Variants in DAPK1 observed in about 807,000 individuals in gnomAD.
DAPK1 encodes death-associated protein kinase 1.
A neutral mutation model predicts 144.9 loss-of-function variants in DAPK1; 56 were observed. That is an observed-to-expected ratio of 0.39 (90% CI 0.31 to 0.48). The LOEUF is 0.48. Ranked by LOEUF, DAPK1 falls within the 20% of genes least tolerant of loss-of-function variation. DAPK1 has a pLI of 0.95. For synonymous variants in DAPK1, 690 were observed against 749.0 expected, an observed-to-expected ratio of 0.92 and a Z score of 1.29; for missense variants, 1,454 against 1,875.4, an observed-to-expected ratio of 0.78 and a Z score of 4.15.
intron 15 of DAPK1, 129 bp downstream of exon 15, chr9:87,649,008 G>C (rs1830356948): frequency 2.6e-6 from 2 of 774,440 alleles, no homozygotes; most frequent in Non-Finnish European, 2.1e-6. Context: ...AGAGGGCAAG[G>C]CTCAAGGGGC....
intron 2 of DAPK1, among the ~76,000 whole-genome samples, chr9:87,582,472 G>A (rs1212917965): frequency 2.0e-5 from 3 of 151,906 alleles, no homozygotes; most frequent in East Asian, 1.9e-4. Context: ...TGAGACTGAC[G>A]CACCTCCTCA....
At chr9:87,643,127 AAGG>A (rs751255768) in intron 10 of DAPK1, among the ~76,000 whole-genome samples, 68 of 152,252 alleles carry the variant, frequency 4.5e-4, no homozygotes, top group Non-Finnish European at 7.2e-4. Context: ...TGAAACATGG[AAGG>A]AGAATCTCTA....
intron 2 of DAPK1, among the ~76,000 whole-genome samples, chr9:87,512,295 TTC>T (rs1824878165): frequency 1.3e-5 from 2 of 152,188 alleles, no homozygotes; most frequent in Non-Finnish European, 2.9e-5. Context: ...ATTTTTTTTT[TTC>T]ATGGATCTTT....
In DAPK1 at chr9:87,652,099, T is replaced by TC. The variant is rs551993197; in HGVS notation, c.1824+381dup. Among the ~76,000 whole-genome samples the TC allele has an allele frequency of 9.6e-5, 12 of 124,540 alleles. No homozygotes were observed. The South Asian group carries it at 3.4e-3, about 35-fold the overall frequency. The allele number at this position is 124,540 out of a possible 152,430, so 81.7% of individuals were successfully genotyped here. On this transcript the variant is annotated intron_variant, in intron 17 of 25. Transcript: ENST00000408954. ...AACCCGGGTCCTGATTCTGTGTCCA[T>TC]CCCCCCGATCCTGGGTCCTGATTCT...
At chr9:87,561,776 G>A (rs1470428994) in intron 2 of DAPK1, among the ~76,000 whole-genome samples, 3 of 152,168 alleles carry the variant, frequency 2.0e-5, no homozygotes, top group Non-Finnish European at 4.4e-5. Flanking sequence ...TCCAGAAGTG[G>A]GGCTGTGTGT....
At chr9:87,641,919 ATT>A (rs775945094) in intron 9 of DAPK1, 48 bp from the exon 10 acceptor site, 2 of 1,481,702 alleles carry the variant, frequency 1.3e-6, no homozygotes, top group South Asian at 2.4e-5. Context: ...CATATAACAC[ATT>A]TTCATAATTT....
At chr9:87,543,840 T>G (rs1303013624) in intron 2 of DAPK1, among the ~76,000 whole-genome samples, 1 of 152,198 alleles carries the variant, frequency 6.6e-6, no homozygotes, top group East Asian at 1.9e-4. Flanking sequence ...TCTTGTGTGT[T>G]TGGATTTTGT....
At chr9:87,567,316 G>A (rs565982597) in intron 2 of DAPK1, among the ~76,000 whole-genome samples, 13 of 152,308 alleles carry the variant, frequency 8.5e-5, no homozygotes, top group African/African-American at 2.9e-4. Flanking sequence ...CCCTGGAAAA[G>A]GGAAATCCTG....
chr9:87,514,187 G>A (rs527372896), intron 2 of DAPK1, among the ~76,000 whole-genome samples: 150 of 152,222 alleles, frequency 9.9e-4, no homozygotes, highest in African/African-American at 3.5e-3. Context: ...GCACCTAGTG[G>A]GCAAAGAAAA....
At position 87,499,216 on chromosome 9, in the gene DAPK1, T is replaced by G. The variant is rs1168321005; in HGVS notation, c.62+77T>G. The G allele has an allele frequency of 4.7e-6, 6 of 1,283,784 alleles. No homozygotes were observed. The Admixed American group carries it at 8.6e-5, about 18-fold the overall frequency. 79.5% of individuals were successfully genotyped at this position (1,283,784 alleles called of 1,614,324 possible). A position where few individuals can be genotyped will look rare whatever the true frequency, so the allele number is the denominator to read the frequency against. On this transcript the variant is annotated intron_variant, in intron 2 of 25. Coordinates refer to ENST00000408954, the MANE Select transcript of DAPK1 (RefSeq NM_004938.4). ...ATGGGGCCATTGGGTGGTAAACAAA[T>G]GCAGTTTGAATCAGGCGTCTCCCTC...
chr9:87,500,324 A>G (rs899844532), intron 2 of DAPK1, among the ~76,000 whole-genome samples: 3 of 152,218 alleles, frequency 2.0e-5, no homozygotes, highest in Admixed American at 2.0e-4. Flanking sequence ...TGATCTGGTG[A>G]GTAAATAAGG....
intron 21 of DAPK1, among the ~76,000 whole-genome samples, chr9:87,688,277 T>C (rs940371240): frequency 1.3e-5 from 2 of 152,254 alleles, no homozygotes; most frequent in African/African-American, 2.4e-5. Context: ...GATTTTCTTC[T>C]TTTTTATGGC....
intron 25 of DAPK1, among the ~76,000 whole-genome samples, chr9:87,704,834 G>A (rs1378267527): frequency 6.6e-6 from 1 of 152,336 alleles, no homozygotes; most frequent in South Asian, 2.1e-4. Context: ...GTGGTCACCG[G>A]TGGGGTCAGA....
At chr9:87,612,230 A>T (rs1225613774) in intron 3 of DAPK1, among the ~76,000 whole-genome samples, 1 of 152,220 alleles carries the variant, frequency 6.6e-6, no homozygotes, top group Non-Finnish European at 1.5e-5. Flanking sequence ...GAGGACAAAC[A>T]TTCAAACCGT....
chr9:87,553,182 A>G (rs1056973542), intron 2 of DAPK1, among the ~76,000 whole-genome samples: 1 of 151,964 alleles, frequency 6.6e-6, no homozygotes, highest in Non-Finnish European at 1.5e-5. Context: ...TAGGCAGTAA[A>G]CCAAGCAAAA....
chr9:87,513,769 T>C (rs1196654523), intron 2 of DAPK1, among the ~76,000 whole-genome samples: 1 of 152,184 alleles, frequency 6.6e-6, no homozygotes, highest in East Asian at 1.9e-4. Context: ...AAGGGAAGTT[T>C]AAAGAAGTTT....
In DAPK1 at chr9:87,629,933, G is replaced by A. The variant is rs112453389; in HGVS notation, c.285-8010G>A. On this transcript the variant is annotated intron_variant, in intron 3 of 25. Transcript: ENST00000408954. The stretch of plus-strand genomic sequence containing the variant: ...GGGACACTTGCTCTGGAGCCCTGAC[G>A]TGCCTGTGAACAGTCCACTTATCTT... Among the ~76,000 whole-genome samples, 84 of 152,222 alleles carry A rather than the reference G, an allele frequency of 5.5e-4. 1 individual carries two copies. Among genetic ancestry groups the A allele is most frequent in the African/African-American group, 2.0e-3 (81 of 41,532 alleles).
chr9:87,685,131 A>G (rs1229960404), intron 20 of DAPK1, among the ~76,000 whole-genome samples: 1 of 152,176 alleles, frequency 6.6e-6, no homozygotes, highest in Non-Finnish European at 1.5e-5. Context: ...ATCAAGACTT[A>G]CATCATTTTG....
intron 18 of DAPK1, among the ~76,000 whole-genome samples, chr9:87,666,374 G>A (rs895229054): frequency 6.6e-6 from 1 of 152,166 alleles, no homozygotes; most frequent in Non-Finnish European, 1.5e-5. Flanking sequence ...TCTGTTGAAA[G>A]TCTGAATAGT....
Sources: gnomAD v4.1 joint callset for allele counts (sites outside exome capture counted in the v4.1 genomes callset) on GRCh38, gnomAD v4.1.1 for gene constraint, MANE v1.5 for transcripts, NCBI Gene and HGNC (gene_info 2026-07-23, HGNC 2026-07-21) for gene names.